Variants in DCAF6 observed in about 807,000 individuals in gnomAD.
DCAF6 encodes the protein DDB1- and CUL4-associated factor 6.
DCAF6 carries 54 observed loss-of-function variants against 125.1 expected under a neutral mutation model. The observed-to-expected ratio is 0.43, with a 90% CI of 0.35 to 0.54. DCAF6 has a LOEUF of 0.54. Ranked by LOEUF, DCAF6 falls within the 20% of genes least tolerant of loss-of-function variation. DCAF6 has a pLI of 0.01. For missense variants in DCAF6, 934 were observed against 1,161.7 expected, an observed-to-expected ratio of 0.80 and a Z score of 2.85; for synonymous variants, 371 against 390.4, an observed-to-expected ratio of 0.95 and a Z score of 0.58.
intron 1 of DCAF6, among the ~76,000 whole-genome samples, chr1:167,946,610 C>T (rs938705667): frequency 3.3e-5 from 5 of 151,728 alleles, no homozygotes; most frequent in South Asian, 2.1e-4. Context: ...ATTCTTTTTT[C>T]GCGTCTATTA....
intron 2 of DCAF6, among the ~76,000 whole-genome samples, chr1:167,965,780 G>A (rs182683694): frequency 2.0e-5 from 3 of 151,978 alleles, no homozygotes. Flanking sequence ...GATTACAGGC[G>A]CATGCCACCA....
rs1553249394 is a variant in DCAF6, at chr1:168,055,338, T to TTG, written c.2300+4406_2300+4407insGT. Among the ~76,000 whole-genome samples the TTG allele has an allele frequency of 1.8e-3, 11 of 6,130 alleles. 2 individuals are homozygous for TTG. In the Admixed American group the frequency reaches 0.026, roughly 14 times the overall value. 4.0% of individuals were successfully genotyped at this position (6,130 alleles called of 152,430 possible). ...GAAAAAAATCAGGCTTAAGTTTTTT[T>TTG]TTTTTTTTTTTTTTTTTTTTTTAAC... On this transcript the variant is annotated intron_variant, in intron 17 of 21. Coordinates refer to ENST00000367840, the MANE Select transcript of DCAF6 (RefSeq NM_001198956.2).
the DCAF6 span, among the ~76,000 whole-genome samples, chr1:167,869,560 C>G: frequency 1.3e-5 from 2 of 152,300 alleles, no homozygotes; most frequent in South Asian, 4.2e-4. Flanking sequence ...CCTGCCTGAC[C>G]TAAGCCTGGT....
intron 5 of DCAF6, 70 bp from the exon 6 acceptor site, chr1:167,991,134 A>C: frequency 7.5e-7 from 1 of 1,334,912 alleles, no homozygotes; most frequent in Non-Finnish European, 1.0e-6. Flanking sequence ...ACTAATGAGA[A>C]AATATTTTAA....
At chr1:168,033,472 C>T (rs901406126) in intron 12 of DCAF6, among the ~76,000 whole-genome samples, 2 of 151,922 alleles carry the variant, frequency 1.3e-5, no homozygotes, top group Non-Finnish European at 1.5e-5. Flanking sequence ...CCCGCCACCG[C>T]GCCCGGCTAA....
At chr1:168,011,449 T>C (rs932288833) in intron 10 of DCAF6, among the ~76,000 whole-genome samples, 2 of 152,190 alleles carry the variant, frequency 1.3e-5, no homozygotes, top group Non-Finnish European at 2.9e-5. Context: ...TGATGTGGTC[T>C]GTGTGTGGAT....
intron 10 of DCAF6, among the ~76,000 whole-genome samples, chr1:168,005,490 A>C (rs564495262): frequency 1.3e-5 from 2 of 152,254 alleles, no homozygotes; most frequent in South Asian, 4.1e-4. Context: ...ATGTATCTAC[A>C]GTTTACTCGG....
chr1:167,882,577 G>T, the DCAF6 span, among the ~76,000 whole-genome samples: 1 of 151,998 alleles, frequency 6.6e-6, no homozygotes, highest in African/African-American at 2.4e-5. Context: ...AGGGGAACTG[G>T]AGGTGTTGAC....
the DCAF6 span, among the ~76,000 whole-genome samples, chr1:167,895,461 A>G: frequency 6.6e-6 from 1 of 152,108 alleles, no homozygotes; most frequent in Admixed American, 6.6e-5. Flanking sequence ...AATACTCCAG[A>G]CCTGTACATA....
chr1:167,901,584 C>A, the DCAF6 span: 15 of 1,439,836 alleles, frequency 1.0e-5, no homozygotes, highest in Non-Finnish European at 1.5e-5. Context: ...TACTACTTCT[C>A]TTTGGGAGAG....
the DCAF6 span, among the ~76,000 whole-genome samples, chr1:167,912,445 C>T: frequency 4.5e-3 from 686 of 152,266 alleles, 8 homozygotes; most frequent in East Asian, 0.056. Context: ...AACATCATGG[C>T]ACCCTGCATT....
the DCAF6 span, among the ~76,000 whole-genome samples, chr1:167,872,880 G>A: frequency 6.6e-6 from 1 of 151,328 alleles, no homozygotes; most frequent in Admixed American, 6.6e-5. Flanking sequence ...GACCAGCCTG[G>A]CCAATATGGT....
intron 9 of DCAF6, 48 bp downstream of exon 9, chr1:168,004,037 CT>C (rs759859607): frequency 6.3e-7 from 1 of 1,589,276 alleles, no homozygotes; most frequent in South Asian, 1.1e-5. Flanking sequence ...GCAAAAACTA[CT>C]TATTGAAGCC....
chr1:167,968,243 G>C (rs560162047), intron 3 of DCAF6, among the ~76,000 whole-genome samples: 46 of 152,244 alleles, frequency 3.0e-4, no homozygotes, highest in Admixed American at 6.5e-4. Context: ...AGTAGTAAAG[G>C]CTTGGCTGCT....
chr1:167,952,765 A>G (rs193262458), intron 2 of DCAF6, among the ~76,000 whole-genome samples: 16 of 152,228 alleles, frequency 1.1e-4, no homozygotes, highest in Admixed American at 8.5e-4. Flanking sequence ...GCCTCTTCCC[A>G]GAGTTTTTAT....
At chr1:167,928,273 G>A in the DCAF6 span, among the ~76,000 whole-genome samples, 1 of 151,488 alleles carries the variant, frequency 6.6e-6, no homozygotes, top group Non-Finnish European at 1.5e-5. Context: ...GCGTGAAGCC[G>A]GGAGGTGGAG....
intron 6 of DCAF6, among the ~76,000 whole-genome samples, chr1:167,992,972 A>G (rs1681081366): frequency 6.6e-6 from 1 of 152,184 alleles, no homozygotes; most frequent in African/African-American, 2.4e-5. Flanking sequence ...AACTCATTTC[A>G]ACAAAGCATA....
At chr1:167,920,012 GC>G in the DCAF6 span, 3 of 1,613,164 alleles carry the variant, frequency 1.9e-6, no homozygotes, top group Non-Finnish European at 2.5e-6. Flanking sequence ...GGCTCCTGCT[GC>G]CCCCACAAAG....
chr1:167,925,595 G>A, the DCAF6 span, among the ~76,000 whole-genome samples: 1 of 139,104 alleles, frequency 7.2e-6, no homozygotes, highest in Non-Finnish European at 1.5e-5. Context: ...TGCCCAGGCT[G>A]GAGTGCAATG....
Sources: allele counts gnomAD v4.1 joint callset (sites outside exome capture counted in the v4.1 genomes callset), GRCh38; gene constraint gnomAD v4.1.1; transcripts MANE v1.5; gene names NCBI Gene and HGNC (gene_info 2026-07-23, HGNC 2026-07-21).